Variants in TEK observed in about 807,000 individuals in gnomAD.
TEK encodes angiopoietin-1 receptor.
A neutral mutation model predicts 131.8 loss-of-function variants in TEK; 43 were observed. The ratio of observed to expected loss-of-function variants is 0.33; its 90% CI spans 0.26 to 0.42. The LOEUF (loss-of-function observed/expected upper bound fraction) is 0.42. Ranked by LOEUF, TEK falls within the 10% of genes least tolerant of loss-of-function variation. The pLI is 1.00. For missense variants in TEK, 1,162 were observed against 1,384.4 expected (o/e 0.84, Z 2.55); for synonymous variants, 580 against 491.6 (o/e 1.18, Z -2.38).
At chr9:27,220,317 C>T (rs1378020926) in intron 21 of TEK, among the ~76,000 whole-genome samples, 172 bp downstream of exon 21, 3 of 152,076 alleles carry the variant, frequency 2.0e-5, no homozygotes, top group Non-Finnish European at 4.4e-5. Flanking sequence ...TTATATAATA[C>T]ACAAGAAGTA....
At chr9:27,191,555 T>A (rs906124049) in intron 10 of TEK, among the ~76,000 whole-genome samples, 1 of 150,990 alleles carries the variant, frequency 6.6e-6, no homozygotes, top group Non-Finnish European at 1.5e-5. Context: ...AAAATGACCC[T>A]CTATTCACTA....
intron 16 of TEK, among the ~76,000 whole-genome samples, chr9:27,212,427 G>A (rs1825669199): frequency 6.6e-6 from 1 of 152,096 alleles, no homozygotes; most frequent in Non-Finnish European, 1.5e-5. Context: ...TTACTGAGTG[G>A]GTAAAAGCAT....
chr9:27,138,228 G>C lies in TEK; in HGVS notation c.53-19603G>C, dbSNP rs148988697. Among the ~76,000 whole-genome samples the C allele has an allele frequency of 9.2e-5, 14 of 152,308 alleles. 1 individual carries two copies. The East Asian group carries it at 2.7e-3, about 29-fold the overall frequency. ...ACAAAGATTCCACAGTGTGGAAGGGGATCTGAGCGGGTTGCCGCTGCTGGC... is the reference window on the plus strand; with the variant it reads ...ACAAAGATTCCACAGTGTGGAAGGGCATCTGAGCGGGTTGCCGCTGCTGGC... On this transcript the variant is annotated intron_variant, in intron 1 of 22. Coordinates refer to ENST00000380036, the MANE Select transcript of TEK (RefSeq NM_000459.5).
chr9:27,213,139 T>G (rs1235763825), intron 17 of TEK, among the ~76,000 whole-genome samples: 2 of 152,200 alleles, frequency 1.3e-5, no homozygotes, highest in African/African-American at 4.8e-5. Flanking sequence ...ATTTCATATA[T>G]GCAAATTTTA....
chr9:27,213,013 C>T, intron 17 of TEK, 116 bp downstream of exon 17: 3 of 1,146,058 alleles, frequency 2.6e-6, no homozygotes, highest in Non-Finnish European at 3.8e-6. Flanking sequence ...CTTAAAATCT[C>T]CCTCATTTTA....
intron 21 of TEK, among the ~76,000 whole-genome samples, chr9:27,227,299 C>T (rs1826376996): frequency 6.6e-6 from 1 of 152,144 alleles, no homozygotes; most frequent in Non-Finnish European, 1.5e-5. Flanking sequence ...ACTGAGTAAG[C>T]ACTGTCTTAG....
At chr9:27,183,699 CT>C in intron 8 of TEK, 89 bp downstream of exon 8, 1 of 1,504,716 alleles carries the variant, frequency 6.6e-7, no homozygotes, top group Non-Finnish European at 9.2e-7. Context: ...CCATTCAGTG[CT>C]TTTATCCTCC....
At chr9:27,151,181 G>A (rs1220265855) in intron 1 of TEK, among the ~76,000 whole-genome samples, 1 of 152,176 alleles carries the variant, frequency 6.6e-6, no homozygotes, top group Non-Finnish European at 1.5e-5. Flanking sequence ...TGAGGAAGAA[G>A]TTATTGCTCA....
At chr9:27,141,927 C>G (rs1217421070) in intron 1 of TEK, among the ~76,000 whole-genome samples, 1 of 152,074 alleles carries the variant, frequency 6.6e-6, no homozygotes, top group Non-Finnish European at 1.5e-5. Flanking sequence ...TTGAATTGTG[C>G]AAAGTAACAG....
At position 27,227,109 on chromosome 9, in the gene TEK, G is replaced by A. The variant is rs540991203; in HGVS notation, c.3201-1097G>A. ...TTAAGAAACTTATGTTAAAGTGTAA[G>A]CTGTTCTGGGATCTGTGACACCCTA... On this transcript the variant is annotated intron_variant, in intron 21 of 22. Coordinates refer to ENST00000380036, the MANE Select transcript of TEK (RefSeq NM_000459.5). Among the ~76,000 whole-genome samples, 6 of 152,254 alleles carry A rather than the reference G, an allele frequency of 3.9e-5. No homozygotes were observed. In the East Asian group the frequency reaches 1.2e-3, roughly 29 times the overall value.
chr9:27,118,595 G>A (rs539195646), intron 1 of TEK, among the ~76,000 whole-genome samples: 4 of 152,228 alleles, frequency 2.6e-5, no homozygotes, highest in East Asian at 1.9e-4. Flanking sequence ...TGATCATGCC[G>A]CTGCATTCCA....
chr9:27,126,909 C>G (rs528192773), intron 1 of TEK, among the ~76,000 whole-genome samples: 1 of 152,266 alleles, frequency 6.6e-6, no homozygotes, highest in Admixed American at 6.5e-5. Context: ...AAGCAAGAGC[C>G]AACACTTAGA....
intron 1 of TEK, among the ~76,000 whole-genome samples, chr9:27,110,056 A>G (rs1211837545): frequency 1.3e-5 from 2 of 152,122 alleles, no homozygotes; most frequent in African/African-American, 4.8e-5. Context: ...TGAGAAATAC[A>G]GGGGCCCAAT....
At chr9:27,131,257 A>T (rs1254575617) in intron 1 of TEK, among the ~76,000 whole-genome samples, 1 of 151,954 alleles carries the variant, frequency 6.6e-6, no homozygotes, top group Non-Finnish European at 1.5e-5. Flanking sequence ...CGAGGCTGGC[A>T]GATCACTTAA....
intron 1 of TEK, among the ~76,000 whole-genome samples, chr9:27,150,740 T>C (rs778648658): frequency 6.6e-6 from 1 of 152,226 alleles, no homozygotes; most frequent in Non-Finnish European, 1.5e-5. Flanking sequence ...TGCATATAAA[T>C]GAATGTTCAG....
At chr9:27,143,964 G>A (rs1274046819) in intron 1 of TEK, among the ~76,000 whole-genome samples, 2 of 152,182 alleles carry the variant, frequency 1.3e-5, no homozygotes, top group Non-Finnish European at 2.9e-5. Context: ...GGAAGGCAAT[G>A]CAGACAGGGA....
chr9:27,138,856 C>T (rs1050000948), intron 1 of TEK, among the ~76,000 whole-genome samples: 1 of 152,120 alleles, frequency 6.6e-6, no homozygotes. Context: ...TGGAACCAAT[C>T]CCCTGTGTGT....
chr9:27,173,366 T>C lies in TEK; in HGVS notation c.901+4T>C, dbSNP rs774483756. The C allele has an allele frequency of 4.3e-6, 7 of 1,613,844 alleles. No homozygotes were observed. Among genetic ancestry groups the C allele is most frequent in the South Asian group, 2.2e-5 (2 of 91,088 alleles). ...AAGGGTCTGCAGTGCAATGAAGGTA[T>C]GCACCAATCACACCCTTGGACAGAG... is the stretch of plus-strand genomic sequence containing the variant. On this transcript the variant is annotated splice_donor_region_variant and intron_variant, in intron 6 of 22. Transcript: ENST00000380036.
chr9:27,224,074 C>G (rs1158457573), intron 21 of TEK, among the ~76,000 whole-genome samples: 1 of 152,176 alleles, frequency 6.6e-6, no homozygotes, highest in Non-Finnish European at 1.5e-5. Context: ...GAAGTCGAAT[C>G]CCAGTCGAAG....
Sources: gnomAD v4.1 joint callset for allele counts (sites outside exome capture counted in the v4.1 genomes callset) on GRCh38, gnomAD v4.1.1 for gene constraint, MANE v1.5 for transcripts, NCBI Gene and HGNC (gene_info 2026-07-23, HGNC 2026-07-21) for gene names.